The following SLC9A1 variants were observed in gnomAD, a reference collection of about 807,000 sequenced individuals.
The protein encoded by SLC9A1 is solute carrier family 9 member A1.
A neutral mutation model predicts 67.9 loss-of-function variants in SLC9A1; 22 were observed. The observed-to-expected ratio is 0.32, with a 90% confidence interval of 0.23 to 0.46. The LOEUF is 0.46. SLC9A1 is among the 20% of genes least tolerant of loss of function. The probability of loss-of-function intolerance (pLI) is 1.00; values close to 1 mark genes in which losing one functional copy is unlikely to be tolerated. For missense variants in SLC9A1, 686 were observed against 1,094.8 expected, an observed-to-expected ratio of 0.63 and a Z score of 5.27; for synonymous variants, 421 against 471.8, an observed-to-expected ratio of 0.89 and a Z score of 1.40.
At position 27,102,367 on chromosome 1, in the gene SLC9A1, G is replaced by C. The variant is rs1346347082; in HGVS notation, c.1820+18C>G. 2.5e-6 allele frequency: 4 copies of C among 1,569,928 alleles called. No individual in the cohort carries two copies. The African/African-American group carries it at 5.4e-5, about 21-fold the overall frequency. ...CGGTGTGTGGGAGCAGAAGCTGCCT[G>C]GTTGCCCCAGCACTCACTGCATGGA... On this transcript the variant is annotated intron_variant, in intron 8 of 11. Coordinates refer to ENST00000263980, the MANE Select transcript of SLC9A1 (RefSeq NM_003047.5).
chr1:27,136,905 G>A (rs1232582110), intron 1 of SLC9A1, among the ~76,000 whole-genome samples: 1 of 152,136 alleles, frequency 6.6e-6, no homozygotes, highest in Non-Finnish European at 1.5e-5. Flanking sequence ...CAGAACCTCT[G>A]CAGTTCCCCC....
At chr1:27,153,935 G>T in intron 1 of SLC9A1, 48 bp downstream of exon 1, 3 of 1,294,236 alleles carry the variant, frequency 2.3e-6, no homozygotes, top group East Asian at 2.3e-5. Flanking sequence ...GAGGCAAGAA[G>T]CTCACCAGTC....
At position 27,102,758 on chromosome 1, in the gene SLC9A1, G is replaced by A. The variant is rs993143582; in HGVS notation, c.1576-15C>T. On this transcript the variant is annotated splice_polypyrimidine_tract_variant and intron_variant, in intron 6 of 11. Coordinates refer to ENST00000263980, the MANE Select transcript of SLC9A1 (RefSeq NM_003047.5). ...TGGTCCAGGAACTGAAAGGGGCCCA[G>A]GGCCAAGTCAAGCCTCGCTGTGGGG... The A allele has an allele frequency of 1.9e-6, 3 of 1,612,322 alleles. No individual in the cohort carries two copies. Among genetic ancestry groups the A allele is most frequent in the Admixed American group, 1.7e-5 (1 of 59,866 alleles).
intron 1 of SLC9A1, among the ~76,000 whole-genome samples, chr1:27,123,509 CTT>C (rs890523683): frequency 4.9e-5 from 7 of 143,458 alleles, no homozygotes; most frequent in South Asian, 2.2e-4. Flanking sequence ...TTTTATTGGG[CTT>C]TTTTTTTTTT....
At chr1:27,120,187 G>A (rs992970539) in intron 1 of SLC9A1, among the ~76,000 whole-genome samples, 5 of 151,994 alleles carry the variant, frequency 3.3e-5, no homozygotes, top group African/African-American at 4.8e-5. Flanking sequence ...GTACAGTGGC[G>A]CGATTTCGGC....
chr1:27,135,058 AT>A (rs796517155), intron 1 of SLC9A1, among the ~76,000 whole-genome samples: 85 of 140,134 alleles, frequency 6.1e-4, no homozygotes, highest in Admixed American at 8.6e-4. Context: ...TTTATGCCAA[AT>A]TTTTTTTTTT....
chr1:27,125,239 T>TTC (rs1570867472), intron 1 of SLC9A1, among the ~76,000 whole-genome samples: 11 of 117,158 alleles, frequency 9.4e-5, no homozygotes, highest in East Asian at 4.5e-4. Flanking sequence ...TTTTCTTTCT[T>TTC]TTTTTTTTTT....
At chr1:27,104,177 G>A (rs1416175529) in intron 5 of SLC9A1, among the ~76,000 whole-genome samples, 2 of 151,316 alleles carry the variant, frequency 1.3e-5, no homozygotes, top group African/African-American at 4.9e-5. Flanking sequence ...CACCTCCCGG[G>A]TTCAAGTGAT....
chr1:27,105,456 T>C (rs1368447177), intron 5 of SLC9A1: 2 of 468,426 alleles, frequency 4.3e-6, no homozygotes, highest in Non-Finnish European at 7.8e-6. Context: ...TGCATCACCA[T>C]GCCCACTAAT....
At chr1:27,139,939 TG>T (rs2083443917) in intron 1 of SLC9A1, among the ~76,000 whole-genome samples, 1 of 151,966 alleles carries the variant, frequency 6.6e-6, no homozygotes, top group African/African-American at 2.4e-5. Context: ...ATTAGAGACT[TG>T]CACCATCACA....
intron 1 of SLC9A1, among the ~76,000 whole-genome samples, chr1:27,145,295 C>T (rs1189930413): frequency 6.6e-6 from 1 of 152,188 alleles, no homozygotes; most frequent in Non-Finnish European, 1.5e-5. Flanking sequence ...GGAGTCCGCC[C>T]AGCCCTGGCA....
rs1259127689 is a variant in SLC9A1 at position 27,107,679 on chromosome 1, G to T, written c.1251C>A (p.Thr417=). The T allele has an allele frequency of 5.8e-6, 9 of 1,564,416 alleles. No homozygotes were observed. The highest frequency in any genetic ancestry group is 7.8e-6 in the Non-Finnish European group (9 of 1,154,412). Residue 417 remains threonine (T), a synonymous_variant, in exon 4 of 12, where the codon ACC becomes ACA. Transcript: ENST00000263980. ...HHWNWTFVIS[T]LLFCLIARVL... The stretch of plus-strand genomic sequence containing the variant: ...CGCGGGCGATGAGGCAGAAGAGCAG[G>T]GTGCTGATGACGAAGGTCCAGTTCC...
chr1:27,154,282 G>T lies in SLC9A1; in HGVS notation c.53C>A (p.Ser18Tyr). Residue 18 changes from serine (S) to tyrosine (Y), a missense_variant, in exon 1 of 12, where the codon TCC becomes TAC. Transcript: ENST00000263980. ...CACCAAAGCAACCACCACGAGTAAG[G>T]AAGGGAAGATCCGATGTGGAGAGAG... ...CGLSPHRIFPSLLVVVALVGL... is the reference protein window; with the variant it reads ...CGLSPHRIFPYLLVVVALVGL... The T allele has an allele frequency of 6.2e-7, 1 of 1,612,274 alleles. No individual in the cohort carries two copies. The highest frequency in any genetic ancestry group is 8.5e-7 in the Non-Finnish European group (1 of 1,179,076).
intron 6 of SLC9A1, 106 bp from the exon 7 acceptor site, chr1:27,102,849 A>G: frequency 1.9e-6 from 2 of 1,029,754 alleles, no homozygotes; most frequent in Non-Finnish European, 2.9e-6. Context: ...TGCTGGGTCC[A>G]GCCCTGTGGT....
Position 27,101,956 on chromosome 1 carries a change from G to C in SLC9A1, c.1935+60C>G, listed in dbSNP as rs937332688. 4.8e-6 allele frequency: 7 copies of C among 1,469,124 alleles called. No homozygotes were observed. Among genetic ancestry groups the C allele is most frequent in the Non-Finnish European group, 6.7e-6 (7 of 1,051,378 alleles). 91.0% of individuals were successfully genotyped at this position (1,469,124 alleles called of 1,614,324 possible). On this transcript the variant is annotated intron_variant, in intron 9 of 11. Transcript: ENST00000263980. This position sits in a 1 kb window ranked among gnomAD's most constrained non-coding sequence, Gnocchi z 4.9. Reference sequence around the variant, plus strand: ...GGGGCACGGGCAGGGCAGGGCTGCCGTAGAGAGGGGCTGAAGGGCTCCTGT... The same window carrying C: ...GGGGCACGGGCAGGGCAGGGCTGCCCTAGAGAGGGGCTGAAGGGCTCCTGT...
intron 1 of SLC9A1, among the ~76,000 whole-genome samples, chr1:27,149,794 GCTTCTGACTACGT>G (rs1229793390): frequency 6.6e-6 from 1 of 152,218 alleles, no homozygotes; most frequent in African/African-American, 2.4e-5. Context: ...AGAACCCAGG[GCTTCTGACTACGT>G]CTTTCCTTTG....
At chr1:27,131,068 G>A (rs910762426) in intron 1 of SLC9A1, among the ~76,000 whole-genome samples, 5 of 152,362 alleles carry the variant, frequency 3.3e-5, no homozygotes, top group South Asian at 2.1e-4. Flanking sequence ...AGGGCCCATC[G>A]TGTGATCCCA....
At chr1:27,147,995 CAAAAAAA>C (rs376077372) in intron 1 of SLC9A1, among the ~76,000 whole-genome samples, 32 of 142,306 alleles carry the variant, frequency 2.2e-4, no homozygotes, top group Non-Finnish European at 4.0e-4. Context: ...ACTCTTGTAT[CAAAAAAA>C]AAAAGAAAAA....
At chr1:27,102,270 T>C in intron 8 of SLC9A1, 115 bp downstream of exon 8, 5 of 1,384,550 alleles carry the variant, frequency 3.6e-6, no homozygotes, top group Non-Finnish European at 5.0e-6. Flanking sequence ...CCCACAGCTC[T>C]CTTGTCCGCC....
Sources: gnomAD v4.1 joint callset for allele counts (sites outside exome capture counted in the v4.1 genomes callset) on GRCh38, gnomAD v4.1.1 for gene constraint, Gnocchi (gnomAD v3.1) non-coding constraint, MANE v1.5 for transcripts, NCBI Gene and HGNC (gene_info 2026-07-23, HGNC 2026-07-21) for gene names.